The following USP34 variants were observed in gnomAD, a reference collection of about 807,000 sequenced individuals.
The protein encoded by USP34 is ubiquitin carboxyl-terminal hydrolase 34.
In USP34, 70 loss-of-function variants were observed where a neutral mutation model predicts 460.3. The observed-to-expected ratio is 0.15, with a 90% CI of 0.13 to 0.19. The LOEUF (loss-of-function observed/expected upper bound fraction) is 0.19, where lower values mean the gene tolerates loss of function less well. Ranked by LOEUF, USP34 falls within the 10% of genes least tolerant of loss-of-function variation. The pLI is 1.00. For missense variants in USP34, 3,985 were observed against 4,236.2 expected (o/e 0.94, Z 1.65); for synonymous variants, 1,647 against 1,405.3 (o/e 1.17, Z -3.85).
intron 34 of USP34, among the ~76,000 whole-genome samples, chr2:61,285,668 A>G (rs1032036929): frequency 2.0e-5 from 3 of 152,096 alleles, no homozygotes; most frequent in African/African-American, 7.2e-5. Context: ...GAATAATTAA[A>G]CATGTTTTTA....
chr2:61,188,989 C>A lies in USP34; in HGVS notation c.9954G>T (p.Glu3318Asp). 1 of 1,614,158 alleles carries A rather than the reference C, an allele frequency of 6.2e-7. No individual in the cohort carries two copies. ...LNPALIPTLQ[E>D]LLSKCRTCLQ... ...GACAAGTCCTGCATTTGCTTAAAAG[C>A]TCTTGCAGAGTTGGAATTAGAGCTG... Residue 3318 changes from glutamate to aspartate, a missense_variant, in exon 79 of 80, where the codon GAG (glutamate) becomes GAT (aspartate). By Grantham distance (45) the Glu-to-Asp change is conservative (BLOSUM62 2). This residue lies in a region of USP34 where 506 missense variants were observed against 439.0 expected (regional missense o/e 1.15). Transcript: ENST00000398571.
At chr2:61,354,434 T>G (rs576427801) in intron 10 of USP34, among the ~76,000 whole-genome samples, 1 of 152,190 alleles carries the variant, frequency 6.6e-6, no homozygotes, top group South Asian at 2.1e-4. Context: ...AATTAAGACA[T>G]TCGCAGAAAA....
intron 41 of USP34, 45 bp from the exon 42 acceptor site, chr2:61,266,212 T>G (rs1272538286): frequency 6.5e-7 from 1 of 1,536,116 alleles, no homozygotes; most frequent in South Asian, 1.2e-5. Context: ...AGATATTAAT[T>G]ACATTCCAAA....
At chr2:61,235,053 C>G (rs555522590) in intron 57 of USP34, among the ~76,000 whole-genome samples, 1 of 152,230 alleles carries the variant, frequency 6.6e-6, no homozygotes, top group African/African-American at 2.4e-5. Context: ...AAATTTTGCA[C>G]AGTTTACTTG....
In USP34 at chr2:61,395,234, CTAAT is replaced by C; in HGVS notation, c.553-5_553-2del. ...TGTTACTTTCTTGAGTTGATATATC[CTAAT>C]TAAAAAAAAAAAAGCAAGTAAAATT... On this transcript the variant is annotated splice_acceptor_variant and splice_polypyrimidine_tract_variant and intron_variant, in intron 3 of 79. Coordinates refer to ENST00000398571, the MANE Select transcript of USP34 (RefSeq NM_014709.4). LOFTEE classifies it high-confidence loss of function. The C allele has an allele frequency of 1.4e-6, 2 of 1,445,156 alleles. No individual in the cohort carries two copies. The highest frequency in any genetic ancestry group is 1.9e-6 in the Non-Finnish European group (2 of 1,049,282). 89.5% of individuals were successfully genotyped at this position (1,445,156 alleles called of 1,614,324 possible). A position where few individuals can be genotyped will look rare whatever the true frequency, so the allele number is the denominator to read the frequency against.
chr2:61,402,049 G>T (rs553425831), intron 3 of USP34, among the ~76,000 whole-genome samples: 5 of 151,522 alleles, frequency 3.3e-5, no homozygotes, highest in African/African-American at 7.3e-5. Context: ...CCATGAGTTC[G>T]AGACCAGGCT....
intron 16 of USP34, among the ~76,000 whole-genome samples, chr2:61,341,584 T>C (rs1305182383): frequency 6.6e-6 from 1 of 151,766 alleles, no homozygotes; most frequent in Non-Finnish European, 1.5e-5. Flanking sequence ...AACCCCCCGT[T>C]TCCACTTCTG....
At chr2:61,404,584 T>A (rs141245062) in intron 3 of USP34, among the ~76,000 whole-genome samples, 1 of 152,258 alleles carries the variant, frequency 6.6e-6, no homozygotes, top group Non-Finnish European at 1.5e-5. Flanking sequence ...CAATCTACCC[T>A]AGTGGAAAAT....
intron 1 of USP34, 117 bp downstream of exon 1, chr2:61,470,533 G>T: frequency 1.9e-6 from 1 of 526,752 alleles, no homozygotes; most frequent in Non-Finnish European, 3.2e-6. Flanking sequence ...CGCTAGGCCC[G>T]CACGCCGCCC....
At chr2:61,441,053 G>T (rs1319640873) in intron 1 of USP34, among the ~76,000 whole-genome samples, 1 of 151,580 alleles carries the variant, frequency 6.6e-6, no homozygotes, top group Non-Finnish European at 1.5e-5. Flanking sequence ...GCATGAAACT[G>T]GGAGGCGGAG....
At chr2:61,214,976 T>C (rs1687358240) in intron 67 of USP34, among the ~76,000 whole-genome samples, 1 of 152,198 alleles carries the variant, frequency 6.6e-6, no homozygotes, top group Non-Finnish European at 1.5e-5. Flanking sequence ...ATTTTCCCAC[T>C]TTATCTTTTA....
In USP34 at chr2:61,417,291, C is replaced by T. The variant is rs1447092314; in HGVS notation, c.131+3455G>A. ...AGCAACCTATACAACAAACAGGCCG[C>T]ATACACTACCAAGGAAGCTGCTGTT... On this transcript the variant is annotated intron_variant, in intron 2 of 79. Transcript: ENST00000398571. 7 of 801,502 alleles carry T rather than the reference C, an allele frequency of 8.7e-6. No homozygotes were observed. The Admixed American group carries it at 1.3e-4, about 14-fold the overall frequency. 49.6% of individuals were successfully genotyped at this position (801,502 alleles called of 1,614,324 possible).
chr2:61,236,728 G>C (rs1464497662), intron 53 of USP34, among the ~76,000 whole-genome samples: 1 of 152,098 alleles, frequency 6.6e-6, no homozygotes, highest in Non-Finnish European at 1.5e-5. Context: ...ACAAAAGAGA[G>C]GTTTACATTT....
intron 1 of USP34, among the ~76,000 whole-genome samples, chr2:61,424,753 T>C (rs775594786): frequency 6.6e-6 from 1 of 151,616 alleles, no homozygotes; most frequent in Non-Finnish European, 1.5e-5. Flanking sequence ...TGTTCTATAT[T>C]TTTTTTTACC....
intron 75 of USP34, chr2:61,194,025 A>G: frequency 1.4e-6 from 1 of 723,526 alleles, no homozygotes; most frequent in Non-Finnish European, 1.7e-6. Context: ...TAAAAATATG[A>G]AAACTATTCT....
intron 10 of USP34, among the ~76,000 whole-genome samples, chr2:61,364,233 C>A (rs941631385): frequency 6.6e-6 from 1 of 152,154 alleles, no homozygotes; most frequent in Non-Finnish European, 1.5e-5. Context: ...ATTAGGTAGG[C>A]ATGCTTTAGT....
chr2:61,358,994 G>A (rs1418916150), intron 10 of USP34, among the ~76,000 whole-genome samples: 2 of 152,020 alleles, frequency 1.3e-5, no homozygotes, highest in African/African-American at 4.8e-5. Context: ...TCATGTTAAC[G>A]GATAGGAAGA....
At chr2:61,302,602 A>G (rs1267264786) in intron 27 of USP34, among the ~76,000 whole-genome samples, 1 of 152,214 alleles carries the variant, frequency 6.6e-6, no homozygotes, top group Non-Finnish European at 1.5e-5. Context: ...CAACATTTTA[A>G]ACATATCCTA....
At chr2:61,343,640 A>C (rs1195324067) in intron 16 of USP34, among the ~76,000 whole-genome samples, 175 bp downstream of exon 16, 2 of 152,164 alleles carry the variant, frequency 1.3e-5, no homozygotes, top group African/African-American at 4.8e-5. Context: ...TTCATGATGG[A>C]CTATTTATAA....
Sources: allele counts gnomAD v4.1 joint callset (sites outside exome capture counted in the v4.1 genomes callset), GRCh38; gene constraint gnomAD v4.1.1; regional missense constraint gnomAD v4.1.1; transcripts MANE v1.5; gene names NCBI Gene and HGNC (gene_info 2026-07-23, HGNC 2026-07-21).